PI4K2B: variants seen among roughly 807,000 people sequenced by gnomAD.
The protein encoded by PI4K2B is phosphatidylinositol 4-kinase type 2 beta.
Under a neutral mutation model 56.6 loss-of-function variants are expected in PI4K2B, and 46 were observed. That is an observed-to-expected ratio of 0.81 (90% CI 0.64 to 1.04). PI4K2B has a LOEUF of 1.04. PI4K2B is among the 50% of genes least tolerant of loss of function. The pLI is 0.00. For missense variants in PI4K2B, 556 were observed against 607.7 expected (o/e 0.91, Z 0.89); for synonymous variants, 211 against 223.8 (o/e 0.94, Z 0.51).
chr4:25,238,444 T>C (rs1333603193), intron 1 of PI4K2B, among the ~76,000 whole-genome samples: 1 of 152,160 alleles, frequency 6.6e-6, no homozygotes, highest in African/African-American at 2.4e-5. Context: ...GTGTCCGGAA[T>C]TGGTGGGTTC....
At chr4:25,246,558 T>G (rs1452278564) in intron 1 of PI4K2B, among the ~76,000 whole-genome samples, 3 of 152,238 alleles carry the variant, frequency 2.0e-5, no homozygotes, top group Non-Finnish European at 4.4e-5. Context: ...CCAGCTGGCT[T>G]CACCCAGTGG....
At chr4:25,252,186 G>A (rs1716085179) in intron 1 of PI4K2B, 135 bp from the exon 2 acceptor site, 2 of 583,048 alleles carry the variant, frequency 3.4e-6, no homozygotes, top group South Asian at 5.2e-5. Context: ...GCAGTGGGGG[G>A]AAGGAGGATT....
intron 4 of PI4K2B, 134 bp from the exon 5 acceptor site, chr4:25,258,903 G>A (rs1716353986): frequency 4.2e-6 from 2 of 473,154 alleles, no homozygotes; most frequent in South Asian, 1.1e-4. Flanking sequence ...GATAAATGTG[G>A]CTTATCTAAA....
chr4:25,275,620 C>G (rs1014031447), intron 9 of PI4K2B, among the ~76,000 whole-genome samples: 16 of 152,022 alleles, frequency 1.1e-4, no homozygotes, highest in Admixed American at 5.9e-4. Context: ...TGATTGCACT[C>G]TGCACTCCAG....
chr4:25,272,629 T>G (rs2109025902), intron 9 of PI4K2B, among the ~76,000 whole-genome samples: 1 of 152,224 alleles, frequency 6.6e-6, no homozygotes, highest in South Asian at 2.1e-4. Context: ...ATGACACCTG[T>G]GCATAGCCAC....
chr4:25,243,154 A>T (rs1043822319), intron 1 of PI4K2B, among the ~76,000 whole-genome samples: 1 of 152,164 alleles, frequency 6.6e-6, no homozygotes, highest in African/African-American at 2.4e-5. Context: ...CTGGCCCTCA[A>T]TAGTTAAACA....
intron 1 of PI4K2B, among the ~76,000 whole-genome samples, chr4:25,245,304 A>G (rs1715709620): frequency 6.6e-6 from 1 of 152,202 alleles, no homozygotes; most frequent in African/African-American, 2.4e-5. Context: ...AAGCGGGACT[A>G]ACCTCGGAGA....
At chr4:25,246,415 C>A (rs1411132729) in intron 1 of PI4K2B, among the ~76,000 whole-genome samples, 2 of 152,218 alleles carry the variant, frequency 1.3e-5, no homozygotes, top group African/African-American at 4.8e-5. Flanking sequence ...CATGTCCCCA[C>A]TAGATTAGCT....
At chr4:25,249,490 C>T (rs1481616380) in intron 1 of PI4K2B, among the ~76,000 whole-genome samples, 22 of 147,702 alleles carry the variant, frequency 1.5e-4, no homozygotes, top group African/African-American at 2.9e-4. Flanking sequence ...GGCTGCCCCC[C>T]GCCTCCCGGA....
chr4:25,251,298 G>A (rs927471331), intron 1 of PI4K2B, among the ~76,000 whole-genome samples: 1 of 152,158 alleles, frequency 6.6e-6, no homozygotes, highest in African/African-American at 2.4e-5. Flanking sequence ...CCTCTCCTGA[G>A]AGAGAGGATG....
At chr4:25,272,879 T>A (rs1331258082) in intron 9 of PI4K2B, among the ~76,000 whole-genome samples, 5 of 151,414 alleles carry the variant, frequency 3.3e-5, no homozygotes, top group South Asian at 2.1e-4. Flanking sequence ...AAAAAAAAAA[T>A]TTACCTATAT....
In PI4K2B at chr4:25,234,239, C is replaced by G; in HGVS notation, c.76C>G (p.Arg26Gly). 1 of 1,427,692 alleles carries G rather than the reference C, an allele frequency of 7.0e-7. No homozygotes were observed. The highest frequency in any genetic ancestry group is 9.2e-7 in the Non-Finnish European group (1 of 1,089,994). 88.4% of individuals were successfully genotyped at this position (1,427,692 alleles called of 1,614,324 possible). The change falls in exon 1 of 10, where the codon CGG (arginine) becomes GGG (glycine). Residue 26 changes from arginine to glycine, a missense_variant. Coordinates refer to ENST00000264864, the MANE Select transcript of PI4K2B (RefSeq NM_018323.4). ...GSPEEEEDGE[R>G]EPLLPRIAWA... ...CCCGGAGGAGGAGGAGGATGGGGAGCGGGAGCCGCTGCTACCGCGGATCGC... is the reference window on the plus strand; with the variant it reads ...CCCGGAGGAGGAGGAGGATGGGGAGGGGGAGCCGCTGCTACCGCGGATCGC...
intron 1 of PI4K2B, among the ~76,000 whole-genome samples, chr4:25,251,255 C>A (rs772122070): frequency 6.6e-6 from 1 of 152,112 alleles, no homozygotes; most frequent in African/African-American, 2.4e-5. Context: ...TTTGTGATTG[C>A]TGCTTATTTC....
chr4:25,267,336 C>T (rs1716702460), intron 7 of PI4K2B, among the ~76,000 whole-genome samples: 1 of 152,220 alleles, frequency 6.6e-6, no homozygotes, highest in South Asian at 2.1e-4. Flanking sequence ...AGATGTGAGC[C>T]AGGGGAAATG....
chr4:25,243,541 AC>A (rs796151424), intron 1 of PI4K2B, among the ~76,000 whole-genome samples: 7 of 152,260 alleles, frequency 4.6e-5, no homozygotes, highest in African/African-American at 1.7e-4. Context: ...ATTATAGAAC[AC>A]CGAGGTTGCC....
intron 9 of PI4K2B, 55 bp downstream of exon 9, chr4:25,269,258 C>T (rs1716776623): frequency 1.1e-6 from 1 of 944,998 alleles, no homozygotes; most frequent in African/African-American, 1.6e-5. Flanking sequence ...AAACAGTAGT[C>T]AACTGTTTTC....
At chr4:25,242,376 C>T (rs1210357501) in intron 1 of PI4K2B, among the ~76,000 whole-genome samples, 1 of 152,254 alleles carries the variant, frequency 6.6e-6, no homozygotes, top group Non-Finnish European at 1.5e-5. Flanking sequence ...ACCCCTGGGG[C>T]AAGACCTTCC....
chr4:25,244,186 C>T (rs1208771480), intron 1 of PI4K2B, among the ~76,000 whole-genome samples: 41 of 152,148 alleles, frequency 2.7e-4, no homozygotes. Flanking sequence ...CCAGGTTGGG[C>T]CAAATTCCCC....
chr4:25,277,075 C>A lies in PI4K2B; in HGVS notation c.1334C>A (p.Pro445His). 6.2e-7 allele frequency: 1 copy of A among 1,613,640 alleles called. No individual in the cohort carries two copies. ...GKSPFQLVQI[P>H]CVIVERSQGG... The stretch of plus-strand genomic sequence containing the variant: ...AGTCCTTTCCAGCTAGTACAGATAC[C>A]TTGTGTGATTGTGGAACGCAGTCAA... The change falls in exon 10 of 10, where the codon CCT (proline) becomes CAT (histidine). Residue 445 changes from proline (P) to histidine (H), a missense_variant. Transcript: ENST00000264864.
Sources: gnomAD v4.1 joint callset for allele counts (sites outside exome capture counted in the v4.1 genomes callset) on GRCh38, gnomAD v4.1.1 for gene constraint, MANE v1.5 for transcripts, NCBI Gene and HGNC (gene_info 2026-07-23, HGNC 2026-07-21) for gene names.